VEPH1: variants seen among roughly 807,000 people sequenced by gnomAD.
VEPH1 encodes ventricular zone-expressed PH domain-containing protein homolog 1.
A neutral mutation model predicts 85.2 loss-of-function variants in VEPH1; 80 were observed. The ratio of observed to expected loss-of-function variants is 0.94; its 90% CI spans 0.78 to 1.13. The LOEUF is 1.13. VEPH1 is among the 50% of genes most tolerant of loss of function. The pLI is 0.00. For missense variants in VEPH1, 955 were observed against 980.5 expected (o/e 0.97, Z 0.35); for synonymous variants, 297 against 348.0 (o/e 0.85, Z 1.63).
Position 157,302,062 on chromosome 3 carries a change from A to G in VEPH1, c.2010+11559T>C, listed in dbSNP as rs191438035. Among the ~76,000 whole-genome samples the G allele has an allele frequency of 3.2e-4, 48 of 151,714 alleles. No homozygotes were observed. The South Asian group carries it at 4.4e-3, about 14-fold the overall frequency. On this transcript the variant is annotated intron_variant, in intron 11 of 13. Coordinates refer to ENST00000362010, the MANE Select transcript of VEPH1 (RefSeq NM_001167912.2). The stretch of plus-strand genomic sequence containing the variant: ...AGTTTTATCCACCTTAATAAATGAT[A>G]CCACCATGCCAGAAACTTGACATCA...
At position 157,364,384 on chromosome 3, in the gene VEPH1, C is replaced by T. The variant is rs768563571; in HGVS notation, c.1256G>A (p.Gly419Glu). 13 of 1,613,948 alleles carry T rather than the reference C, an allele frequency of 8.1e-6. No individual in the cohort carries two copies. The Admixed American group carries it at 2.0e-4, about 25-fold the overall frequency. Residue 419 changes from glycine (G) to glutamate (E), a missense_variant, in exon 8 of 14, where the codon GGG becomes GAG. Coordinates refer to ENST00000362010, the MANE Select transcript of VEPH1 (RefSeq NM_001167912.2). The part of the protein sequence containing the change: ...IQAFEDKINA[G>E]SNTPGSIRRY... ...TCTGATAGAGCCAGGGGTATTGCTCCCTGCATTTATCTTGTCTTCAAAAGC... is the reference window on the plus strand; with the variant it reads ...TCTGATAGAGCCAGGGGTATTGCTCTCTGCATTTATCTTGTCTTCAAAAGC...
chr3:157,363,461 C>A lies in VEPH1; in HGVS notation c.1638G>T (p.Lys546Asn). Residue 546 changes from lysine (K) to asparagine (N), a missense_variant, in exon 9 of 14, where the codon AAG (lysine) becomes AAT (asparagine). Transcript: ENST00000362010. Reference protein sequence around the residue: ...TTASPIEYQDKLYLHLKKNLS... With the variant: ...TTASPIEYQDNLYLHLKKNLS... Reference sequence around the variant, plus strand: ...GGTTTTTTTTTAAGTGCAAGTAGAGCTTATCTTGGTATTCTATAGGACTTG... The same window carrying A: ...GGTTTTTTTTTAAGTGCAAGTAGAGATTATCTTGGTATTCTATAGGACTTG... 6.2e-7 allele frequency: 1 copy of A among 1,613,924 alleles called. No homozygotes were observed. Among genetic ancestry groups the A allele is most frequent in the African/African-American group, 1.3e-5 (1 of 74,970 alleles).
chr3:157,441,809 CAA>C (rs34525960), intron 4 of VEPH1, among the ~76,000 whole-genome samples: 149 of 125,404 alleles, frequency 1.2e-3, no homozygotes, highest in African/African-American at 4.0e-3. Flanking sequence ...GACTCTGTCT[CAA>C]AAAAAAAAAA....
chr3:157,438,060 CA>C, intron 4 of VEPH1: 1 of 755,080 alleles, frequency 1.3e-6, no homozygotes, highest in Non-Finnish European at 2.1e-6. Context: ...CACACACACA[CA>C]CACACACACA....
chr3:157,365,900 AT>A (rs1243226097), intron 7 of VEPH1, among the ~76,000 whole-genome samples: 2 of 152,162 alleles, frequency 1.3e-5, no homozygotes, highest in Non-Finnish European at 2.9e-5. Context: ...TTCAGGCATG[AT>A]TGATTAAATG....
chr3:157,481,082 T>G (rs537908560), intron 2 of VEPH1, among the ~76,000 whole-genome samples: 16 of 152,250 alleles, frequency 1.1e-4, no homozygotes, highest in African/African-American at 3.8e-4. Flanking sequence ...GTTTGTCAGC[T>G]GCTTATGTCT....
chr3:157,373,679 C>T (rs758713150), intron 7 of VEPH1, among the ~76,000 whole-genome samples: 2 of 152,158 alleles, frequency 1.3e-5, no homozygotes, highest in Admixed American at 1.3e-4. Context: ...CCCACAAACA[C>T]CCTTTTTCCT....
intron 2 of VEPH1, among the ~76,000 whole-genome samples, chr3:157,485,824 T>C (rs1028582762): frequency 1.3e-5 from 2 of 151,218 alleles, no homozygotes; most frequent in East Asian, 3.9e-4. Context: ...AAAGAAAAAA[T>C]AGATATTTCT....
chr3:157,349,421 A>T (rs1724599022), intron 9 of VEPH1, among the ~76,000 whole-genome samples: 2 of 152,220 alleles, frequency 1.3e-5, no homozygotes, highest in Admixed American at 1.3e-4. Context: ...CCCACAGTTA[A>T]TGTCTTACTG....
chr3:157,451,865 A>G (rs1011813267), intron 4 of VEPH1, among the ~76,000 whole-genome samples: 1 of 152,162 alleles, frequency 6.6e-6, no homozygotes, highest in Non-Finnish European at 1.5e-5. Flanking sequence ...ACTGAGATAA[A>G]AAAACATCTA....
rs60332684 is a variant in VEPH1 at position 157,481,466 on chromosome 3, A to ACACACACACACAC, written c.139-10938_139-10937insGTGTGTGTGTGTG. On this transcript the variant is annotated intron_variant, in intron 2 of 13. Transcript: ENST00000362010. Reference sequence around the variant, plus strand: ...CACACACACACACACACACACACACAAAAAAAAAAAAAAAAAAAAACAATC... The same window carrying ACACACACACACAC: ...CACACACACACACACACACACACACACACACACACACACAAAAAAAAAAAAAAAAAAAACAATC... Among the ~76,000 whole-genome samples, 413 of 47,970 alleles carry ACACACACACACAC rather than the reference A, an allele frequency of 8.6e-3. 3 individuals carry two copies. Among genetic ancestry groups the ACACACACACACAC allele is most frequent in the African/African-American group, 0.028 (252 of 9,116 alleles). The allele number at this position is 47,970 out of a possible 152,430, so 31.5% of individuals were successfully genotyped here.
At chr3:157,328,233 T>C (rs1422133119) in intron 9 of VEPH1, among the ~76,000 whole-genome samples, 13 of 152,168 alleles carry the variant, frequency 8.5e-5, no homozygotes, top group African/African-American at 2.7e-4. Context: ...AGTTAATTCA[T>C]GTAAGGCTCT....
intron 2 of VEPH1, among the ~76,000 whole-genome samples, chr3:157,488,176 T>A (rs1470545630): frequency 6.6e-6 from 1 of 152,162 alleles, no homozygotes; most frequent in Non-Finnish European, 1.5e-5. Context: ...CTCTCCTCTC[T>A]CCCCATCTCA....
At chr3:157,419,707 T>A (rs1402882761) in intron 5 of VEPH1, among the ~76,000 whole-genome samples, 1 of 152,164 alleles carries the variant, frequency 6.6e-6, no homozygotes, top group East Asian at 1.9e-4. Context: ...AAAAGGAACA[T>A]TTTTACACTA....
In VEPH1 at chr3:157,286,389, A is replaced by G. The variant is rs547834545; in HGVS notation, c.2128+168T>C. The G allele has an allele frequency of 3.5e-4, 231 of 651,138 alleles. 2 individuals carry two copies. The highest frequency in any genetic ancestry group is 1.3e-3 in the Middle Eastern group (5 of 3,784). The allele number at this position is 651,138 out of a possible 1,614,324, so 40.3% of individuals were successfully genotyped here. A position where few individuals can be genotyped will look rare whatever the true frequency, so the allele number is the denominator to read the frequency against. On this transcript the variant is annotated intron_variant, in intron 12 of 13. Transcript: ENST00000362010. The stretch of plus-strand genomic sequence containing the variant: ...CCCAAAGTTTTCCCTTTTTCCTACG[A>G]CCACTTTGGTGAGACGCCTTTCTCA...
chr3:157,347,200 C>CA lies in VEPH1; in HGVS notation c.1735+16163dup, dbSNP rs375352596. Among the ~76,000 whole-genome samples the CA allele has an allele frequency of 5.9e-3, 839 of 141,468 alleles. 5 individuals are homozygous for CA. The highest frequency in any genetic ancestry group is 0.018 in the African/African-American group (680 of 38,590). 92.8% of individuals were successfully genotyped at this position (141,468 alleles called of 152,430 possible). ...CAGTTTAAAAACTGTTAAAAACCAA[C>CA]AAAAAAAAAACCCATGGTGTACCTG... On this transcript the variant is annotated intron_variant, in intron 9 of 13. Coordinates refer to ENST00000362010, the MANE Select transcript of VEPH1 (RefSeq NM_001167912.2).
rs534598993 is a variant in VEPH1, at chr3:157,472,456, C to T, written c.139-1927G>A. On this transcript the variant is annotated intron_variant, in intron 2 of 13. Transcript: ENST00000362010. ...ATTTCAGGGCTGTCTTTTCTGTCTG[C>T]CATTTCTCAATTCTTTTACAATACT... Among the ~76,000 whole-genome samples the T allele has an allele frequency of 2.2e-4, 33 of 152,278 alleles. No individual in the cohort carries two copies. In the South Asian group the frequency reaches 6.6e-3, roughly 31 times the overall value.
intron 7 of VEPH1, among the ~76,000 whole-genome samples, chr3:157,370,230 G>C (rs978060842): frequency 3.9e-5 from 6 of 152,168 alleles, no homozygotes; most frequent in African/African-American, 2.4e-5. Flanking sequence ...TGGCCCTTGG[G>C]CTGCTCGCTG....
At chr3:157,349,671 G>T (rs962130141) in intron 9 of VEPH1, among the ~76,000 whole-genome samples, 3 of 152,024 alleles carry the variant, frequency 2.0e-5, no homozygotes, top group Non-Finnish European at 4.4e-5. Flanking sequence ...ATTAATAAAT[G>T]AACTCAGTAA....
Sources: allele counts gnomAD v4.1 joint callset (sites outside exome capture counted in the v4.1 genomes callset), GRCh38; gene constraint gnomAD v4.1.1; transcripts MANE v1.5; gene names NCBI Gene and HGNC (gene_info 2026-07-23, HGNC 2026-07-21).